Variants in WRNIP1 observed in about 807,000 individuals in gnomAD.
WRNIP1 encodes WRN helicase interacting protein 1.
WRNIP1 carries 41 observed loss-of-function variants against 56.1 expected under a neutral mutation model. That is an observed-to-expected ratio of 0.73 (90% CI 0.57 to 0.95). The LOEUF is 0.95. Ranked by LOEUF, WRNIP1 falls within the 40% of genes least tolerant of loss-of-function variation. WRNIP1 has a pLI of 0.00. For synonymous variants in WRNIP1, 547 were observed against 398.1 expected (o/e 1.37, Z -4.45); for missense variants, 1,170 against 939.4 (o/e 1.25, Z -3.21).
chr6:2,775,030 C>T (rs566363947), intron 3 of WRNIP1, among the ~76,000 whole-genome samples: 55 of 152,284 alleles, frequency 3.6e-4, no homozygotes, highest in Non-Finnish European at 5.9e-4. Context: ...GATCTCATTA[C>T]CTCCTATTTA....
chr6:2,767,091 C>T (rs1039201528), intron 1 of WRNIP1, among the ~76,000 whole-genome samples: 2 of 152,158 alleles, frequency 1.3e-5, no homozygotes, highest in African/African-American at 4.8e-5. Flanking sequence ...TCTCATAATG[C>T]CTTGTACTCT....
intron 3 of WRNIP1, among the ~76,000 whole-genome samples, chr6:2,778,738 A>G (rs1218745236): frequency 6.6e-6 from 1 of 152,134 alleles, no homozygotes; most frequent in African/African-American, 2.4e-5. Flanking sequence ...TAGGGACCCA[A>G]TTTGTTGTTT....
At chr6:2,774,260 G>T in intron 3 of WRNIP1, 1 of 985,404 alleles carries the variant, frequency 1.0e-6, no homozygotes, top group Non-Finnish European at 1.2e-6. Flanking sequence ...CAGATCTCAT[G>T]GTCCTTGGAT....
At chr6:2,767,190 T>A (rs1765053426) in intron 1 of WRNIP1, among the ~76,000 whole-genome samples, 1 of 152,272 alleles carries the variant, frequency 6.6e-6, no homozygotes, top group South Asian at 2.1e-4. Context: ...TAGGATATTG[T>A]GAGTCTAGAA....
chr6:2,765,472 A>C lies in WRNIP1; in HGVS notation c.-151A>C, dbSNP rs1267614250. ...GACGCGGGAGCTGCGGACGTGAGGC[A>C]TGAGCGGCGCCCTCCTCCGGCCCGC... On this transcript the variant is annotated 5_prime_UTR_variant, in exon 1 of 7. An upstream start codon of the reference 5' UTR is lost. Transcript: ENST00000380773. 2 of 1,005,474 alleles carry C rather than the reference A, an allele frequency of 2.0e-6. No individual in the cohort carries two copies. Among genetic ancestry groups the C allele is most frequent in the African/African-American group, 1.7e-5 (1 of 58,616 alleles). The allele number at this position is 1,005,474 out of a possible 1,614,324, so 62.3% of individuals were successfully genotyped here.
At chr6:2,767,532 T>C (rs777236667) in intron 1 of WRNIP1, among the ~76,000 whole-genome samples, 19 of 152,238 alleles carry the variant, frequency 1.2e-4, no homozygotes, top group Admixed American at 9.8e-4. Flanking sequence ...ATGCCTTCCC[T>C]TTGGCCAGGA....
At position 2,766,313 on chromosome 6, in the gene WRNIP1, A is replaced by T; in HGVS notation, c.691A>T (p.Met231Leu). Residue 231 changes from methionine (M) to leucine (L), a missense_variant, in exon 1 of 7, where the codon ATG (methionine) becomes TTG (leucine). Physicochemically the swap from Met to Leu is conservative, Grantham distance 15. Coordinates refer to ENST00000380773, the MANE Select transcript of WRNIP1 (RefSeq NM_020135.3). ...ACAGGGCAAGCCGCTGGCCGACACGATGCGTCCTGACACGCTGCAGGATTA... is the reference window on the plus strand; with the variant it reads ...ACAGGGCAAGCCGCTGGCCGACACGTTGCGTCCTGACACGCTGCAGGATTA... ...MLQGKPLADT[M>L]RPDTLQDYFG... is the part of the protein sequence containing the mutation. The T allele has an allele frequency of 1.2e-6, 2 of 1,610,118 alleles. No individual in the cohort carries two copies. The highest frequency in any genetic ancestry group is 1.7e-6 in the Non-Finnish European group (2 of 1,178,866).
chr6:2,766,386 T>G lies in WRNIP1; in HGVS notation c.764T>G (p.Leu255Arg), dbSNP rs769755223. The G allele has an allele frequency of 6.2e-7, 1 of 1,607,934 alleles. No individual in the cohort carries two copies. ...AVGQDTLLRS[L>R]LETNEIPSLI... ...GGCCAGGATACCCTGCTGCGCTCGCTCCTGGAGACCAACGAAATCCCCTCG... is the reference window on the plus strand; with the variant it reads ...GGCCAGGATACCCTGCTGCGCTCGCGCCTGGAGACCAACGAAATCCCCTCG... The change falls in exon 1 of 7, where the codon CTC (leucine) becomes CGC (arginine). Residue 255 changes from leucine to arginine, a missense_variant. Coordinates refer to ENST00000380773, the MANE Select transcript of WRNIP1 (RefSeq NM_020135.3).
At chr6:2,773,768 C>T (rs1765366936) in intron 3 of WRNIP1, 1 of 869,628 alleles carries the variant, frequency 1.1e-6, no homozygotes, top group Non-Finnish European at 1.4e-6. Context: ...AAAAACACTC[C>T]TAAAGAATCA....
intron 3 of WRNIP1, among the ~76,000 whole-genome samples, chr6:2,778,459 G>T (rs960013379): frequency 2.0e-5 from 3 of 152,222 alleles, no homozygotes; most frequent in African/African-American, 7.2e-5. Flanking sequence ...ATCATAGTTA[G>T]ATCTTATTTA....
At chr6:2,780,228 TG>T (rs1765523751) in intron 4 of WRNIP1, among the ~76,000 whole-genome samples, 1 of 152,220 alleles carries the variant, frequency 6.6e-6, no homozygotes, top group Non-Finnish European at 1.5e-5. Context: ...GCAGTAACTG[TG>T]GAATATAATT....
chr6:2,773,428 G>T, intron 3 of WRNIP1: 1 of 985,430 alleles, frequency 1.0e-6, no homozygotes, highest in Non-Finnish European at 1.2e-6. Flanking sequence ...AGGGGATGCG[G>T]AGTTGAGTTT....
At chr6:2,779,671 C>T (rs540914467) in intron 4 of WRNIP1, among the ~76,000 whole-genome samples, 179 bp downstream of exon 4, 11 of 152,248 alleles carry the variant, frequency 7.2e-5, no homozygotes, top group African/African-American at 2.6e-4. Context: ...CTGACCTTTC[C>T]GAAGAGAGGC....
At chr6:2,782,779 A>G in intron 4 of WRNIP1, among the ~76,000 whole-genome samples, 1 of 152,160 alleles carries the variant, frequency 6.6e-6, no homozygotes, top group East Asian at 1.9e-4. Context: ...GAGTAGTAAG[A>G]CCAGGCGGTG....
Position 2,765,584 on chromosome 6 carries a change from C to G in WRNIP1, c.-39C>G. On this transcript the variant is annotated 5_prime_UTR_variant, in exon 1 of 7. Coordinates refer to ENST00000380773, the MANE Select transcript of WRNIP1 (RefSeq NM_020135.3). ...AAGGCCTCCGCGTGCGCACGGGTTG[C>G]TGCGGCCGCGCCGGGCGCCGGGGAG... is the stretch of plus-strand genomic sequence containing the variant. 6.9e-7 allele frequency: 1 copy of G among 1,453,920 alleles called. No individual in the cohort carries two copies. The highest frequency in any genetic ancestry group is 9.0e-7 in the Non-Finnish European group (1 of 1,109,110). The allele number at this position is 1,453,920 out of a possible 1,614,324, so 90.1% of individuals were successfully genotyped here.
chr6:2,785,390 C>G lies in WRNIP1; in HGVS notation c.*108C>G. On this transcript the variant is annotated 3_prime_UTR_variant, in exon 7 of 7. Transcript: ENST00000380773. ...CCTGGTGGAAGTTAGAACAGACCAA[C>G]ATTTTGTGCCAGAAATTTAAGAGTT... 1 of 1,287,090 alleles carries G rather than the reference C, an allele frequency of 7.8e-7. No individual in the cohort carries two copies. The highest frequency in any genetic ancestry group is 1.4e-5 in the South Asian group (1 of 69,354). The allele number at this position is 1,287,090 out of a possible 1,614,324, so 79.7% of individuals were successfully genotyped here.
chr6:2,785,447 ATG>A lies in WRNIP1; in HGVS notation c.*169_*170del. On this transcript the variant is annotated 3_prime_UTR_variant, in exon 7 of 7. Coordinates refer to ENST00000380773, the MANE Select transcript of WRNIP1 (RefSeq NM_020135.3). ...GTGGAGGCGCAGTTCTTTCGAATAA[ATG>A]TGTAACTTTGAAATTGTGTTCATTT... is the stretch of plus-strand genomic sequence containing the variant. The A allele has an allele frequency of 1.4e-6, 1 of 718,224 alleles. No homozygotes were observed. Among genetic ancestry groups the A allele is most frequent in the Non-Finnish European group, 2.2e-6 (1 of 444,836 alleles). The allele number at this position is 718,224 out of a possible 1,614,324, so 44.5% of individuals were successfully genotyped here. A position where few individuals can be genotyped will look rare whatever the true frequency, so the allele number is the denominator to read the frequency against.
chr6:2,783,814 C>G (rs537052439), intron 5 of WRNIP1, among the ~76,000 whole-genome samples: 1 of 151,936 alleles, frequency 6.6e-6, no homozygotes, highest in Non-Finnish European at 1.5e-5. Flanking sequence ...GTTTCCTCTT[C>G]GGGAATGTTT....
At chr6:2,770,049 C>T in intron 2 of WRNIP1, 71 bp from the exon 3 acceptor site, 1 of 1,592,658 alleles carries the variant, frequency 6.3e-7, no homozygotes, top group Non-Finnish European at 8.6e-7. Flanking sequence ...GAAGGGATAG[C>T]CAACTTACAT....
Sources: allele counts gnomAD v4.1 joint callset (sites outside exome capture counted in the v4.1 genomes callset), GRCh38; gene constraint gnomAD v4.1.1; transcripts MANE v1.5; gene names NCBI Gene and HGNC (gene_info 2026-07-23, HGNC 2026-07-21).